The following MYO3A variants were observed in gnomAD, a reference collection of about 807,000 sequenced individuals.
The protein encoded by MYO3A is myosin-IIIa.
In MYO3A, 180 loss-of-function variants were observed where a neutral mutation model predicts 192.7. That is an observed-to-expected ratio of 0.93 (90% confidence interval 0.83 to 1.06). MYO3A has a LOEUF of 1.06. Among genes scored for constraint, MYO3A ranks in the 50% least tolerant of loss-of-function variants. The probability of loss-of-function intolerance (pLI) is 0.00; values close to 1 mark genes in which losing one functional copy is unlikely to be tolerated. For missense variants in MYO3A, 1,896 were observed against 1,905.0 expected (o/e 1.00, Z 0.09); for synonymous variants, 628 against 645.3 (o/e 0.97, Z 0.41).
intron 4 of MYO3A, among the ~76,000 whole-genome samples, chr10:25,973,752 A>C (rs577078267): frequency 6.6e-6 from 1 of 152,346 alleles, no homozygotes; most frequent in East Asian, 1.9e-4. Context: ...CATATAGATC[A>C]ATGGAACAGA....
intron 32 of MYO3A, 103 bp downstream of exon 32, chr10:26,193,414 A>G: frequency 5.3e-6 from 5 of 949,536 alleles, no homozygotes; most frequent in Non-Finnish European, 8.3e-6. Flanking sequence ...AAGGCCTGGC[A>G]GGACAGAGAT....
intron 2 of MYO3A, among the ~76,000 whole-genome samples, chr10:25,946,980 G>C (rs917565609): frequency 2.0e-5 from 3 of 148,016 alleles, no homozygotes; most frequent in African/African-American, 7.5e-5. Flanking sequence ...TGAGGTTTTT[G>C]GCCATTATTT....
chr10:26,206,555 T>C (rs1443336034), intron 34 of MYO3A, among the ~76,000 whole-genome samples: 1 of 151,966 alleles, frequency 6.6e-6, no homozygotes, highest in African/African-American at 2.4e-5. Context: ...TTCAAGTGAT[T>C]CTCCTGCCTC....
intron 10 of MYO3A, among the ~76,000 whole-genome samples, chr10:26,047,164 C>T (rs951237098): frequency 2.0e-5 from 3 of 152,074 alleles, no homozygotes; most frequent in Non-Finnish European, 4.4e-5. Flanking sequence ...TTTCTGAAAA[C>T]TATTACATTT....
At chr10:26,080,580 G>T (rs1381076851) in intron 14 of MYO3A, among the ~76,000 whole-genome samples, 1 of 86,808 alleles carries the variant, frequency 1.2e-5, no homozygotes, top group Non-Finnish European at 2.2e-5. Context: ...GTGAACTAGT[G>T]TAATTTTTTT....
chr10:25,982,185 A>T (rs1426649078), intron 4 of MYO3A, among the ~76,000 whole-genome samples: 2 of 152,112 alleles, frequency 1.3e-5, no homozygotes, highest in Admixed American at 6.5e-5. Flanking sequence ...CCCTGGGAAT[A>T]TAACTCCACT....
chr10:26,138,583 T>G (rs550394016), intron 20 of MYO3A, among the ~76,000 whole-genome samples: 66 of 152,300 alleles, frequency 4.3e-4, no homozygotes, highest in African/African-American at 1.5e-3. Context: ...GCTTGGGGCT[T>G]ACATTTTTCT....
chr10:26,128,364 A>G (rs1839333892), intron 19 of MYO3A, 27 bp from the exon 20 acceptor site: 1 of 1,608,170 alleles, frequency 6.2e-7, no homozygotes, highest in Non-Finnish European at 8.5e-7. Flanking sequence ...GAAATAACTC[A>G]AAATAATGCC....
intron 10 of MYO3A, among the ~76,000 whole-genome samples, chr10:26,038,329 C>G (rs1843147941): frequency 6.6e-6 from 1 of 152,138 alleles, no homozygotes; most frequent in South Asian, 2.1e-4. Flanking sequence ...TTCTTCTAAT[C>G]CATAAACATG....
intron 28 of MYO3A, 87 bp from the exon 29 acceptor site, chr10:26,170,320 TTGACATCAA>T: frequency 7.3e-7 from 1 of 1,365,796 alleles, no homozygotes; most frequent in East Asian, 2.5e-5. Context: ...ATTTTCCTCT[TTGACATCAA>T]TGGTCAAAGC....
intron 25 of MYO3A, among the ~76,000 whole-genome samples, chr10:26,155,197 C>T (rs1225213238): frequency 6.6e-6 from 1 of 152,192 alleles, no homozygotes; most frequent in Non-Finnish European, 1.5e-5. Context: ...CAAGGCTGAG[C>T]ATCCATCTCC....
At chr10:26,182,398 C>A (rs1213339119) in intron 31 of MYO3A, among the ~76,000 whole-genome samples, 3 of 152,258 alleles carry the variant, frequency 2.0e-5, no homozygotes, top group South Asian at 4.1e-4. Flanking sequence ...AAAGAATAAT[C>A]ACTTTTTAAA....
At chr10:25,943,025 ATTTTCATGAAGCTTTTCCC>A (rs1836601114) in intron 2 of MYO3A, among the ~76,000 whole-genome samples, 1 of 151,676 alleles carries the variant, frequency 6.6e-6, no homozygotes, top group African/African-American at 2.4e-5. Flanking sequence ...TGCCAAATCC[ATTTTCATGAAGCTTTTCCC>A]TTATGTTTTC....
intron 31 of MYO3A, among the ~76,000 whole-genome samples, chr10:26,181,086 G>A (rs1479045796): frequency 6.6e-6 from 1 of 152,056 alleles, no homozygotes; most frequent in Non-Finnish European, 1.5e-5. Context: ...AAATTGACCT[G>A]AGTATTTATA....
intron 14 of MYO3A, among the ~76,000 whole-genome samples, chr10:26,072,420 C>T (rs1416344879): frequency 6.6e-6 from 1 of 152,134 alleles, no homozygotes; most frequent in Non-Finnish European, 1.5e-5. Context: ...GAAATGGGAG[C>T]TGTCTCAAAT....
chr10:26,159,854 A>G (rs1841394396), intron 26 of MYO3A, among the ~76,000 whole-genome samples: 1 of 152,154 alleles, frequency 6.6e-6, no homozygotes, highest in African/African-American at 2.4e-5. Flanking sequence ...GAGTCCAGAA[A>G]TCTAGTTAGC....
intron 4 of MYO3A, among the ~76,000 whole-genome samples, 166 bp downstream of exon 4, chr10:25,955,174 C>A (rs900016286): frequency 6.6e-6 from 1 of 151,574 alleles, no homozygotes; most frequent in African/African-American, 2.4e-5. Context: ...TAAGAAACAT[C>A]AAAAAATTGA....
In MYO3A at chr10:26,010,498, C is replaced by A. The variant is rs552651221; in HGVS notation, c.509-6322C>A. Among the ~76,000 whole-genome samples the A allele has an allele frequency of 3.4e-5, 4 of 116,194 alleles. No individual in the cohort carries two copies. The East Asian group carries it at 1.2e-3, about 34-fold the overall frequency. 76.2% of individuals were successfully genotyped at this position (116,194 alleles called of 152,430 possible). ...TTTTGTTTTTTTATGGAGTCTTGCT[C>A]TGTTGCCCAGGCTGGAGCGCAGAGG... On this transcript the variant is annotated intron_variant, in intron 6 of 34. Coordinates refer to ENST00000642920, the MANE Select transcript of MYO3A (RefSeq NM_017433.5).
intron 4 of MYO3A, among the ~76,000 whole-genome samples, chr10:25,974,626 G>A (rs1838865790): frequency 6.6e-6 from 1 of 152,170 alleles, no homozygotes; most frequent in South Asian, 2.1e-4. Flanking sequence ...GATGTTTGAG[G>A]GAGAGGATGG....
Sources: allele counts gnomAD v4.1 joint callset (sites outside exome capture counted in the v4.1 genomes callset), GRCh38; gene constraint gnomAD v4.1.1; transcripts MANE v1.5; gene names NCBI Gene and HGNC (gene_info 2026-07-23, HGNC 2026-07-21).